The following FAM3C variants were observed in gnomAD, a reference collection of about 807,000 sequenced individuals.
FAM3C encodes FAM3 metabolism regulating signaling molecule C.
Under a neutral mutation model 32.5 loss-of-function variants are expected in FAM3C, and 15 were observed. The ratio of observed to expected loss-of-function variants is 0.46; its 90% confidence interval spans 0.31 to 0.71. The LOEUF (loss-of-function observed/expected upper bound fraction) is 0.71, where lower values mean the gene tolerates loss of function less well. FAM3C is among the 30% of genes least tolerant of loss of function. The pLI is 0.05. For missense variants in FAM3C, 175 were observed against 274.4 expected (o/e 0.64, Z 2.56); for synonymous variants, 75 against 86.1 (o/e 0.87, Z 0.72).
chr7:121,371,716 T>C (rs141069896), intron 4 of FAM3C, among the ~76,000 whole-genome samples: 2 of 152,312 alleles, frequency 1.3e-5, no homozygotes, highest in African/African-American at 4.8e-5. Context: ...AAATATATTT[T>C]ATCTAACTAT....
intron 3 of FAM3C, among the ~76,000 whole-genome samples, chr7:121,376,156 G>A (rs767411295): frequency 1.3e-5 from 2 of 152,176 alleles, no homozygotes; most frequent in Non-Finnish European, 2.9e-5. Flanking sequence ...ACCAGAACAA[G>A]TAAAGTAAAA....
At chr7:121,370,756 T>C (rs1794129486) in intron 5 of FAM3C, among the ~76,000 whole-genome samples, 2 of 152,210 alleles carry the variant, frequency 1.3e-5, no homozygotes, top group South Asian at 4.1e-4. Flanking sequence ...AGCACTCAAA[T>C]ATTTTAAATG....
chr7:121,359,029 G>C (rs75455994), intron 8 of FAM3C, among the ~76,000 whole-genome samples: 282 of 151,176 alleles, frequency 1.9e-3, no homozygotes, highest in Non-Finnish European at 2.8e-3. Flanking sequence ...AATAATAAAG[G>C]CATATTAAAA....
At chr7:121,352,111 T>G (rs1433551148) in intron 8 of FAM3C, among the ~76,000 whole-genome samples, 2 of 152,162 alleles carry the variant, frequency 1.3e-5, no homozygotes, top group Non-Finnish European at 2.9e-5. Flanking sequence ...AACAGGTCAC[T>G]TAGAGAGGTT....
At chr7:121,374,800 A>G (rs1794210281) in intron 3 of FAM3C, among the ~76,000 whole-genome samples, 1 of 152,246 alleles carries the variant, frequency 6.6e-6, no homozygotes, top group African/African-American at 2.4e-5. Context: ...AACACTTTGC[A>G]GGTTCTTAAC....
chr7:121,354,818 C>A (rs2707491), intron 8 of FAM3C, among the ~76,000 whole-genome samples: 38,821 of 151,972 alleles, frequency 0.26, 5,944 homozygotes, highest in African/African-American at 0.44. Flanking sequence ...CGACTCTTTA[C>A]AAACAAACAG....
At chr7:121,395,515 A>G (rs563575454) in intron 1 of FAM3C, among the ~76,000 whole-genome samples, 1 of 151,884 alleles carries the variant, frequency 6.6e-6, no homozygotes, top group South Asian at 2.1e-4. Flanking sequence ...CACAAGTAAA[A>G]CAGCTGGAGC....
At chr7:121,386,715 A>G (rs564193560) in intron 1 of FAM3C, among the ~76,000 whole-genome samples, 142 of 150,238 alleles carry the variant, frequency 9.5e-4, no homozygotes, top group Non-Finnish European at 1.1e-3. Context: ...ATATATATGT[A>G]ATTGGTTCTG....
chr7:121,391,345 G>A (rs915635116), intron 1 of FAM3C, among the ~76,000 whole-genome samples: 1 of 152,132 alleles, frequency 6.6e-6, no homozygotes, highest in Non-Finnish European at 1.5e-5. Flanking sequence ...TGAATGAATG[G>A]ATGGACAGAA....
chr7:121,378,797 TA>T (rs1388261415), intron 3 of FAM3C, 112 bp downstream of exon 3: 1 of 497,822 alleles, frequency 2.0e-6, no homozygotes, highest in Non-Finnish European at 3.6e-6. Flanking sequence ...TATTTATGGA[TA>T]TATAATAATC....
chr7:121,363,089 T>G, intron 6 of FAM3C, 142 bp from the exon 7 acceptor site: 3 of 525,240 alleles, frequency 5.7e-6, no homozygotes, highest in Non-Finnish European at 1.0e-5. Context: ...TGTGAATTCA[T>G]CTCAAAGAAT....
rs769095911 is a variant in FAM3C at position 121,362,890 on chromosome 7, T to C, written c.382+7A>G. 3.3e-6 allele frequency: 5 copies of C among 1,513,014 alleles called. No homozygotes were observed. Among genetic ancestry groups the C allele is most frequent in the Non-Finnish European group, 4.6e-6 (5 of 1,091,784 alleles). 93.7% of individuals were successfully genotyped at this position (1,513,014 alleles called of 1,614,324 possible). On this transcript the variant is annotated splice_region_variant and intron_variant, in intron 7 of 9. Coordinates refer to ENST00000359943, the MANE Select transcript of FAM3C (RefSeq NM_014888.3). ...CAAAAGAACACAGTCATGTTATTTA[T>C]GCTTACCTCCTCCCCACATGTCAAA...
At chr7:121,384,592 G>C (rs1256840894) in intron 1 of FAM3C, among the ~76,000 whole-genome samples, 1 of 152,148 alleles carries the variant, frequency 6.6e-6, no homozygotes, top group Non-Finnish European at 1.5e-5. Context: ...GGCCTGCTCA[G>C]GCCACACCTT....
chr7:121,378,345 G>A (rs1012878307), intron 3 of FAM3C, among the ~76,000 whole-genome samples: 2 of 151,864 alleles, frequency 1.3e-5, no homozygotes, highest in African/African-American at 2.4e-5. Context: ...TAAGAGATGA[G>A]GTTTTACTGT....
chr7:121,353,082 C>T, intron 8 of FAM3C, among the ~76,000 whole-genome samples: 1 of 152,240 alleles, frequency 6.6e-6, no homozygotes, highest in East Asian at 1.9e-4. Context: ...ACCTCACAGG[C>T]CTTTAGGGTG....
intron 8 of FAM3C, among the ~76,000 whole-genome samples, chr7:121,358,542 T>G (rs993890134): frequency 1.3e-5 from 2 of 151,964 alleles, no homozygotes; most frequent in Admixed American, 6.6e-5. Flanking sequence ...TTAAAATAAT[T>G]GAAATAGTGT....
At chr7:121,363,461 CAGA>C (rs1454310941) in intron 6 of FAM3C, among the ~76,000 whole-genome samples, 2 of 152,020 alleles carry the variant, frequency 1.3e-5, no homozygotes, top group Non-Finnish European at 2.9e-5. Flanking sequence ...ATGAAGAAAG[CAGA>C]AGAACAAAAA....
intron 8 of FAM3C, among the ~76,000 whole-genome samples, chr7:121,355,009 G>A (rs956660365): frequency 6.6e-6 from 1 of 152,124 alleles, no homozygotes; most frequent in African/African-American, 2.4e-5. Flanking sequence ...CTACTAACCA[G>A]GAAGACCTGT....
intron 5 of FAM3C, among the ~76,000 whole-genome samples, chr7:121,365,898 G>T (rs969242743): frequency 6.6e-6 from 1 of 152,036 alleles, no homozygotes; most frequent in Non-Finnish European, 1.5e-5. Flanking sequence ...ATGGGCAAAG[G>T]GTTTCAACAG....
Sources: allele counts gnomAD v4.1 joint callset (sites outside exome capture counted in the v4.1 genomes callset), GRCh38; gene constraint gnomAD v4.1.1; transcripts MANE v1.5; gene names NCBI Gene and HGNC (gene_info 2026-07-23, HGNC 2026-07-21).